Variants in GALNTL6 observed in about 807,000 individuals in gnomAD.
GALNTL6 encodes the protein polypeptide N-acetylgalactosaminyltransferase like 6, also known as polypeptide N-acetylgalactosaminyltransferase-like 6.
A neutral mutation model predicts 73.7 loss-of-function variants in GALNTL6; 46 were observed. The observed-to-expected ratio is 0.62, with a 90% CI of 0.49 to 0.80. GALNTL6 has a LOEUF of 0.80. Among genes scored for constraint, GALNTL6 ranks in the 30% least tolerant of loss-of-function variants. The pLI is 0.00. For synonymous variants in GALNTL6, 259 were observed against 263.7 expected (o/e 0.98, Z 0.17); for missense variants, 604 against 755.0 (o/e 0.80, Z 2.34).
At chr4:172,213,609 CTTAT>C (rs33999300) in intron 2 of GALNTL6, among the ~76,000 whole-genome samples, 2,193 of 152,034 alleles carry the variant, frequency 0.014, 56 homozygotes, top group African/African-American at 0.05. Context: ...TATAAATTGA[CTTAT>C]TTGTTTTCTT....
At chr4:172,218,793 T>A (rs146247279) in intron 2 of GALNTL6, among the ~76,000 whole-genome samples, 48 of 152,104 alleles carry the variant, frequency 3.2e-4, no homozygotes, top group African/African-American at 1.1e-3. Context: ...ATTTTAAAGA[T>A]CTGAATGTTA....
At chr4:172,096,865 G>A (rs1732371904) in intron 2 of GALNTL6, among the ~76,000 whole-genome samples, 1 of 152,186 alleles carries the variant, frequency 6.6e-6, no homozygotes, top group Admixed American at 6.5e-5. Flanking sequence ...CTGGGAACCA[G>A]TAAACTTGTC....
chr4:172,643,207 G>A (rs1046350022), intron 5 of GALNTL6, among the ~76,000 whole-genome samples: 2 of 151,858 alleles, frequency 1.3e-5, no homozygotes, highest in African/African-American at 4.8e-5. Flanking sequence ...TGAGGTCTCT[G>A]ACAACTGTAC....
chr4:172,161,346 C>T (rs925438185), intron 2 of GALNTL6, among the ~76,000 whole-genome samples: 2 of 151,894 alleles, frequency 1.3e-5, no homozygotes, highest in South Asian at 4.2e-4. Context: ...AATCATGACC[C>T]TTCATCTCTG....
Position 172,526,280 on chromosome 4 carries a change from A to T in GALNTL6, c.553+177591A>T, listed in dbSNP as rs373398031. ...TAAATAAAATCCTGGTGACCTCACT[A>T]AAACCATTGATTGTTTCAGCATCGC... On this transcript the variant is annotated intron_variant, in intron 5 of 12. Transcript: ENST00000506823. Among the ~76,000 whole-genome samples, 8 of 152,318 alleles carry T rather than the reference A, an allele frequency of 5.3e-5. No individual in the cohort carries two copies. The East Asian group carries it at 1.5e-3, about 29-fold the overall frequency.
chr4:172,765,154 G>C (rs1168966611), intron 5 of GALNTL6, among the ~76,000 whole-genome samples: 1 of 152,128 alleles, frequency 6.6e-6, no homozygotes, highest in Non-Finnish European at 1.5e-5. Context: ...ATGTGCTAAG[G>C]AGGCAATTAA....
intron 2 of GALNTL6, among the ~76,000 whole-genome samples, chr4:172,026,564 A>C (rs778237261): frequency 6.6e-6 from 1 of 152,198 alleles, no homozygotes; most frequent in African/African-American, 2.4e-5. Flanking sequence ...AATTCAAAAC[A>C]TATATAGTAT....
At chr4:172,370,390 G>T (rs1430200922) in intron 5 of GALNTL6, among the ~76,000 whole-genome samples, 1 of 152,042 alleles carries the variant, frequency 6.6e-6, no homozygotes, top group Non-Finnish European at 1.5e-5. Context: ...TCCAGAGGTT[G>T]GTATAAGAGT....
At chr4:172,800,425 C>T (rs147245673) in intron 5 of GALNTL6, among the ~76,000 whole-genome samples, 101 of 152,168 alleles carry the variant, frequency 6.6e-4, no homozygotes, top group African/African-American at 2.4e-3. Flanking sequence ...GGTATATTCT[C>T]CTAGAATTAA....
In GALNTL6 at chr4:172,625,192, G is replaced by T. The variant is rs527543684; in HGVS notation, c.554-184169G>T. On this transcript the variant is annotated intron_variant, in intron 5 of 12. Transcript: ENST00000506823. ...CATCACTCTATATATTTCTTATATT[G>T]TTTGACTCTTTTACTACCCTTGACC... 2.6e-5 allele frequency among the ~76,000 whole-genome samples: 4 copies of T among 151,898 alleles called. No homozygotes were observed. The East Asian group carries it at 7.7e-4, about 29-fold the overall frequency.
chr4:172,593,798 C>T (rs1271891050), intron 5 of GALNTL6, among the ~76,000 whole-genome samples: 2 of 151,856 alleles, frequency 1.3e-5, no homozygotes, highest in African/African-American at 4.8e-5. Flanking sequence ...AGTGTGATCT[C>T]AACTCACTGC....
chr4:172,703,874 C>A (rs1370466956), intron 5 of GALNTL6, among the ~76,000 whole-genome samples: 2 of 151,814 alleles, frequency 1.3e-5, no homozygotes, highest in Non-Finnish European at 2.9e-5. Context: ...ACCTCTTTAT[C>A]CATTATTGGT....
chr4:172,265,914 G>A (rs550327654), intron 3 of GALNTL6, among the ~76,000 whole-genome samples: 9 of 152,094 alleles, frequency 5.9e-5, no homozygotes, highest in African/African-American at 2.2e-4. Context: ...GATATATAAA[G>A]AAACCTAAAG....
intron 10 of GALNTL6, among the ~76,000 whole-genome samples, chr4:172,999,694 T>G (rs1751958897): frequency 6.6e-6 from 1 of 152,026 alleles, no homozygotes; most frequent in South Asian, 2.1e-4. Flanking sequence ...TTTATTATAC[T>G]CATGGAAACA....
At chr4:172,052,977 G>C (rs1730919502) in intron 2 of GALNTL6, among the ~76,000 whole-genome samples, 1 of 152,132 alleles carries the variant, frequency 6.6e-6, no homozygotes. Context: ...CTGAATGTCA[G>C]GGGAAAAGGA....
chr4:172,614,812 T>C (rs1738660141), intron 5 of GALNTL6, among the ~76,000 whole-genome samples: 1 of 152,188 alleles, frequency 6.6e-6, no homozygotes, highest in South Asian at 2.1e-4. Context: ...CAATTTGTAC[T>C]GTCCTTGACT....
intron 3 of GALNTL6, among the ~76,000 whole-genome samples, chr4:172,308,262 T>A (rs1003977894): frequency 1.3e-5 from 2 of 151,872 alleles, no homozygotes; most frequent in African/African-American, 4.8e-5. Context: ...CATGATTATA[T>A]CATTGGTGAA....
At chr4:171,873,683 C>A (rs148507015) in intron 2 of GALNTL6, among the ~76,000 whole-genome samples, 96 of 152,202 alleles carry the variant, frequency 6.3e-4, no homozygotes, top group African/African-American at 2.0e-3. Flanking sequence ...AAGTAATTAT[C>A]TCAATTACCT....
intron 2 of GALNTL6, among the ~76,000 whole-genome samples, chr4:172,028,224 A>T (rs1390622872): frequency 2.0e-5 from 3 of 152,034 alleles, no homozygotes; most frequent in African/African-American, 7.2e-5. Context: ...ATGAAAAGAG[A>T]TTGGGAGTAG....
Sources: gnomAD v4.1 joint callset for allele counts (sites outside exome capture counted in the v4.1 genomes callset) on GRCh38, gnomAD v4.1.1 for gene constraint, MANE v1.5 for transcripts, NCBI Gene and HGNC (gene_info 2026-07-23, HGNC 2026-07-21) for gene names.